Variants in PRKG1 observed in about 807,000 individuals in gnomAD.
PRKG1 encodes protein kinase cGMP-dependent 1.
In PRKG1, 35 loss-of-function variants were observed where a neutral mutation model predicts 88.1. The observed-to-expected ratio is 0.40, with a 90% confidence interval of 0.30 to 0.53. The LOEUF (loss-of-function observed/expected upper bound fraction) is 0.53, where lower values mean the gene tolerates loss of function less well. Among genes scored for constraint, PRKG1 ranks in the 20% least tolerant of loss-of-function variants. The pLI is 0.59. For synonymous variants in PRKG1, 303 were observed against 292.5 expected (o/e 1.04, Z -0.37); for missense variants, 540 against 839.8 (o/e 0.64, Z 4.41).
intron 17 of PRKG1, among the ~76,000 whole-genome samples, chr10:52,291,813 C>G (rs1239621794): frequency 7.2e-5 from 11 of 151,844 alleles, no homozygotes; most frequent in African/African-American, 2.4e-4. Flanking sequence ...TTCTAGATCC[C>G]TGAGGAATCG....
chr10:51,123,505 G>C (rs184784529), intron 1 of PRKG1, among the ~76,000 whole-genome samples: 189 of 152,146 alleles, frequency 1.2e-3, no homozygotes, highest in African/African-American at 4.4e-3. Flanking sequence ...GGCCAACATG[G>C]TGAAACACCA....
chr10:51,223,099 T>C (rs1302273389), intron 2 of PRKG1, among the ~76,000 whole-genome samples: 3 of 152,002 alleles, frequency 2.0e-5, no homozygotes, highest in African/African-American at 7.3e-5. Context: ...ATATTAACTG[T>C]AATCACCACG....
intron 3 of PRKG1, among the ~76,000 whole-genome samples, chr10:51,646,004 T>A (rs1412799168): frequency 6.6e-6 from 1 of 152,200 alleles, no homozygotes. Flanking sequence ...TTAAGTATTG[T>A]AATTTCCAAA....
rs1180984129 is a variant in PRKG1 at position 52,224,620 on chromosome 10, C to T, written c.1077-26950C>T. On this transcript the variant is annotated intron_variant, in intron 9 of 17. Transcript: ENST00000373980. ...ACCTCCGACTCTTCCCCCCAAGTCC[C>T]CAAAGTCCATTGTATCATTCTTATG... is the stretch of plus-strand genomic sequence containing the variant. Among the ~76,000 whole-genome samples the T allele has an allele frequency of 2.3e-5, 3 of 132,440 alleles. No homozygotes were observed. In the East Asian group the frequency reaches 7.4e-4, roughly 33 times the overall value. The allele number at this position is 132,440 out of a possible 152,430, so 86.9% of individuals were successfully genotyped here.
chr10:51,940,044 G>A (rs115634075), intron 5 of PRKG1, among the ~76,000 whole-genome samples: 3,256 of 151,912 alleles, frequency 0.021, 136 homozygotes, highest in African/African-American at 0.07. Context: ...TAGCCTTATA[G>A]CTGCCCCTAG....
intron 9 of PRKG1, among the ~76,000 whole-genome samples, chr10:52,224,223 C>T (rs986360152): frequency 5.3e-5 from 8 of 152,026 alleles, no homozygotes; most frequent in African/African-American, 1.9e-4. Flanking sequence ...GTTCCAGCCA[C>T]TATAACTGTC....
intron 8 of PRKG1, among the ~76,000 whole-genome samples, chr10:52,150,801 A>G (rs1457226583): frequency 6.6e-6 from 1 of 152,164 alleles, no homozygotes; most frequent in Non-Finnish European, 1.5e-5. Flanking sequence ...CTTAATAGAA[A>G]ATCAGTGACT....
chr10:51,857,640 ATTT>A (rs1840716889), intron 4 of PRKG1, among the ~76,000 whole-genome samples: 1 of 152,046 alleles, frequency 6.6e-6, no homozygotes, highest in African/African-American at 2.4e-5. Context: ...GTGTTATTTT[ATTT>A]TATTTTTTTC....
chr10:51,676,852 T>G (rs938551925), intron 3 of PRKG1, among the ~76,000 whole-genome samples: 1 of 152,208 alleles, frequency 6.6e-6, no homozygotes, highest in African/African-American at 2.4e-5. Flanking sequence ...TCAAGGCTAA[T>G]GTAATTAAAT....
chr10:51,913,601 A>G (rs1424703573), intron 5 of PRKG1, among the ~76,000 whole-genome samples: 1 of 152,208 alleles, frequency 6.6e-6, no homozygotes, highest in African/African-American at 2.4e-5. Flanking sequence ...ACTTACAGGT[A>G]TAGAGTTTCT....
chr10:51,046,645 A>G (rs1373854350), intron 1 of PRKG1, among the ~76,000 whole-genome samples: 1 of 152,200 alleles, frequency 6.6e-6, no homozygotes, highest in African/African-American at 2.4e-5. Context: ...TTCACTACAC[A>G]TCGAGGGACT....
chr10:52,128,792 G>A (rs1837173186), intron 7 of PRKG1, among the ~76,000 whole-genome samples: 1 of 152,112 alleles, frequency 6.6e-6, no homozygotes, highest in Non-Finnish European at 1.5e-5. Flanking sequence ...ACTGCACACC[G>A]AAATCAACTA....
chr10:51,666,071 G>A (rs1393944846), intron 3 of PRKG1, among the ~76,000 whole-genome samples: 1 of 152,078 alleles, frequency 6.6e-6, no homozygotes, highest in Non-Finnish European at 1.5e-5. Context: ...GAAATTAATG[G>A]AAATCAAGGT....
intron 5 of PRKG1, among the ~76,000 whole-genome samples, chr10:51,944,901 T>C (rs976770768): frequency 6.6e-6 from 1 of 151,762 alleles, no homozygotes; most frequent in Non-Finnish European, 1.5e-5. Context: ...GGAATAGGTG[T>C]GGTGTGGTGC....
chr10:52,017,594 C>A (rs116661805), intron 5 of PRKG1, among the ~76,000 whole-genome samples: 89 of 152,046 alleles, frequency 5.9e-4, no homozygotes, highest in African/African-American at 2.0e-3. Flanking sequence ...AAGATAGGAG[C>A]AGAAGTAGAA....
At chr10:52,018,812 G>A (rs1418727965) in intron 5 of PRKG1, among the ~76,000 whole-genome samples, 1 of 152,136 alleles carries the variant, frequency 6.6e-6, no homozygotes, top group African/African-American at 2.4e-5. Context: ...TTTAAGCCCT[G>A]GAGTGAGCTA....
rs926982480 is a variant in PRKG1 at position 51,050,951 on chromosome 10, T to C, written c.266+59307T>C. On this transcript the variant is annotated intron_variant, in intron 1 of 17. Transcript: ENST00000401604. ...TTCATGGCCGTTTGTGTGTCTTTTT[T>C]TGAAGAAATGTCTCTTCAAGTCCTT... Among the ~76,000 whole-genome samples, 6 of 152,226 alleles carry C rather than the reference T, an allele frequency of 3.9e-5. No individual in the cohort carries two copies. In the South Asian group the frequency reaches 1.2e-3, roughly 31 times the overall value.
chr10:52,030,646 C>A (rs1028518077), intron 5 of PRKG1, among the ~76,000 whole-genome samples: 4 of 152,066 alleles, frequency 2.6e-5, no homozygotes, highest in Non-Finnish European at 5.9e-5. Context: ...CAGAAGTCAG[C>A]GATGGGAAGT....
intron 1 of PRKG1, among the ~76,000 whole-genome samples, chr10:51,055,169 C>T (rs1843611453): frequency 6.6e-6 from 1 of 151,962 alleles, no homozygotes; most frequent in South Asian, 2.1e-4. Context: ...TATTCAGTAC[C>T]CCAGTGGATG....
Sources: gnomAD v4.1 joint callset for allele counts (sites outside exome capture counted in the v4.1 genomes callset) on GRCh38, gnomAD v4.1.1 for gene constraint, MANE v1.5 for transcripts, NCBI Gene and HGNC (gene_info 2026-07-23, HGNC 2026-07-21) for gene names.